RAB23: variants seen among roughly 807,000 people sequenced by gnomAD.
RAB23 encodes the protein ras-related protein Rab-23.
A neutral mutation model predicts 30.0 loss-of-function variants in RAB23; 15 were observed. The ratio of observed to expected loss-of-function variants is 0.50; its 90% CI spans 0.33 to 0.77. The LOEUF is 0.77. RAB23 is among the 30% of genes least tolerant of loss of function. The probability of loss-of-function intolerance (pLI) is 0.02; values close to 1 mark genes in which losing one functional copy is unlikely to be tolerated. For missense variants in RAB23, 243 were observed against 275.4 expected (o/e 0.88, Z 0.83); for synonymous variants, 93 against 94.0 (o/e 0.99, Z 0.06).
In RAB23 at chr6:57,199,854, T is replaced by C. The variant is rs375639295; in HGVS notation, c.242-3248A>G. Among the ~76,000 whole-genome samples the C allele has an allele frequency of 1.4e-4, 21 of 152,336 alleles. 1 individual carries two copies. Among genetic ancestry groups the C allele is most frequent in the Admixed American group, 9.8e-4 (15 of 15,312 alleles). ...TTATGGTTATAATAATTCTGACAAA[T>C]GTTGGACAACCACTTGTTTCCATTT... is the stretch of plus-strand genomic sequence containing the variant. On this transcript the variant is annotated intron_variant, in intron 3 of 6. Coordinates refer to ENST00000468148, the MANE Select transcript of RAB23 (RefSeq NM_016277.5).
In RAB23 at chr6:57,188,954, T is replaced by C. The variant is rs911579920; in HGVS notation, c.*1507A>G. On this transcript the variant is annotated 3_prime_UTR_variant, in exon 7 of 7. Transcript: ENST00000468148. ...AACACAAAAGGAGTACATAAAACAT[T>C]GTTTAGTACAAATAATGAAAAATGA... 1 of 152,048 alleles carries C rather than the reference T, an allele frequency of 6.6e-6. No homozygotes were observed. Among genetic ancestry groups the C allele is most frequent in the Non-Finnish European group, 1.5e-5 (1 of 67,966 alleles). 9.4% of individuals were successfully genotyped at this position (152,048 alleles called of 1,614,324 possible).
At chr6:57,205,257 T>C (rs990700813) in intron 3 of RAB23, among the ~76,000 whole-genome samples, 1 of 151,952 alleles carries the variant, frequency 6.6e-6, no homozygotes, top group Non-Finnish European at 1.5e-5. Context: ...TGTGTGTATA[T>C]ATATATAAAA....
rs1401102172 is a variant in RAB23, at chr6:57,221,815, C to A, written c.-155G>T. On this transcript the variant is annotated 5_prime_UTR_variant, in exon 1 of 7. Transcript: ENST00000468148. ...GATCGGTGCTCAGGGAGGGGAGAGC[C>A]GGCGCTCGGCGGTCCGAACCGGGGG... The A allele has an allele frequency of 6.6e-6, 1 of 152,392 alleles. No individual in the cohort carries two copies. The highest frequency in any genetic ancestry group is 1.5e-5 in the Non-Finnish European group (1 of 68,192). 9.4% of individuals were successfully genotyped at this position (152,392 alleles called of 1,614,324 possible).
intron 2 of RAB23, among the ~76,000 whole-genome samples, chr6:57,207,960 C>T (rs1217298719): frequency 1.3e-5 from 2 of 152,134 alleles, no homozygotes; most frequent in Non-Finnish European, 1.5e-5. Context: ...AACTCATAAG[C>T]TGAACTATTA....
chr6:57,213,161 A>G (rs1231578602), intron 1 of RAB23, among the ~76,000 whole-genome samples: 2 of 152,178 alleles, frequency 1.3e-5, no homozygotes, highest in African/African-American at 2.4e-5. Flanking sequence ...GCAGTTCTCA[A>G]TAGAGTTTGG....
chr6:57,190,761 T>C, intron 6 of RAB23, among the ~76,000 whole-genome samples, 161 bp from the exon 7 acceptor site: 1 of 152,224 alleles, frequency 6.6e-6, no homozygotes, highest in South Asian at 2.1e-4. Flanking sequence ...TTTTTAGGCA[T>C]ACGGTTCAGT....
intron 1 of RAB23, among the ~76,000 whole-genome samples, chr6:57,220,702 G>C (rs748320046): frequency 1.3e-5 from 2 of 152,122 alleles, no homozygotes; most frequent in Non-Finnish European, 2.9e-5. Flanking sequence ...TAATTGCCAG[G>C]GGTAAGGAGT....
chr6:57,190,472 T>C lies in RAB23; in HGVS notation c.703A>G (p.Ser235Gly). ...CCTCCCAAAACATCTTAGGGTATGCTACAGCTGCTAAAAGGATTTCTGTTT... is the reference window on the plus strand; with the variant it reads ...CCTCCCAAAACATCTTAGGGTATGCCACAGCTGCTAAAAGGATTTCTGTTT... ...KKNRNPFSSC[S>G]IP The change falls in exon 7 of 7, where the codon AGC becomes GGC. Residue 235 changes from serine (S) to glycine (G), a missense_variant. Physicochemically the swap from Ser to Gly is moderately conservative, Grantham distance 56 (BLOSUM62 0). Coordinates refer to ENST00000468148, the MANE Select transcript of RAB23 (RefSeq NM_016277.5). 6.2e-7 allele frequency: 1 copy of C among 1,614,134 alleles called. No homozygotes were observed. The highest frequency in any genetic ancestry group is 8.5e-7 in the Non-Finnish European group (1 of 1,179,962).
chr6:57,217,121 CAGAA>C (rs1393514773), intron 1 of RAB23, among the ~76,000 whole-genome samples: 3 of 148,014 alleles, frequency 2.0e-5, no homozygotes, highest in African/African-American at 7.5e-5. Flanking sequence ...AAATCAATAA[CAGAA>C]AGATAAAACA....
chr6:57,207,862 G>T, intron 2 of RAB23, 149 bp from the exon 3 acceptor site: 1 of 611,358 alleles, frequency 1.6e-6, no homozygotes, highest in Non-Finnish European at 2.8e-6. Flanking sequence ...AACCTACTGG[G>T]GGTTACATCC....
intron 3 of RAB23, among the ~76,000 whole-genome samples, chr6:57,197,887 A>C (rs1042017628): frequency 6.6e-6 from 1 of 152,078 alleles, no homozygotes; most frequent in African/African-American, 2.4e-5. Context: ...TTACAGGAGG[A>C]GCCTGCCATC....
rs1765301647 is a variant in RAB23 at position 57,202,379 on chromosome 6, G to A, written c.241+5249C>T. Among the ~76,000 whole-genome samples the A allele has an allele frequency of 3.9e-5, 6 of 152,220 alleles. 1 individual carries two copies. In the South Asian group the frequency reaches 1.2e-3, roughly 32 times the overall value. On this transcript the variant is annotated intron_variant, in intron 3 of 6. Transcript: ENST00000468148. ...TTCTCTGCTGGAGGTGGGAGTTGTG[G>A]TGGTGGCAAGGAGCACAATGTGATC...
intron 3 of RAB23, among the ~76,000 whole-genome samples, chr6:57,205,024 ATATG>A (rs1267483043): frequency 6.6e-6 from 1 of 151,444 alleles, no homozygotes; most frequent in Non-Finnish European, 1.5e-5. Context: ...ATACATACAT[ATATG>A]TATATGTGTA....
chr6:57,203,143 T>C, intron 3 of RAB23, among the ~76,000 whole-genome samples: 1 of 151,584 alleles, frequency 6.6e-6, no homozygotes, highest in East Asian at 1.9e-4. Context: ...AGTACTGAGA[T>C]TACAGGTGTG....
At chr6:57,207,042 T>C (rs1297334998) in intron 3 of RAB23, among the ~76,000 whole-genome samples, 1 of 152,226 alleles carries the variant, frequency 6.6e-6, no homozygotes, top group East Asian at 1.9e-4. Context: ...CTGAAAATGG[T>C]GTTTTAAATT....
chr6:57,212,937 C>CT lies in RAB23; in HGVS notation c.-65-2493dup, dbSNP rs568729198. Among the ~76,000 whole-genome samples, 3 of 152,022 alleles carry CT rather than the reference C, an allele frequency of 2.0e-5. No individual in the cohort carries two copies. In the East Asian group the frequency reaches 5.8e-4, roughly 30 times the overall value. The stretch of plus-strand genomic sequence containing the variant: ...ATGCCTGATGCCTGCATCTTGCCCT[C>CT]TGAGTATACGATCAGATGGTCTAGG... On this transcript the variant is annotated intron_variant, in intron 1 of 6. Transcript: ENST00000468148.
chr6:57,192,690 C>G (rs1469515294), intron 6 of RAB23, among the ~76,000 whole-genome samples: 1 of 152,066 alleles, frequency 6.6e-6, no homozygotes, highest in African/African-American at 2.4e-5. Flanking sequence ...GAGTTCAAGA[C>G]CAGCCTGGAC....
At chr6:57,206,580 T>C (rs1385329930) in intron 3 of RAB23, among the ~76,000 whole-genome samples, 2 of 151,982 alleles carry the variant, frequency 1.3e-5, no homozygotes, top group African/African-American at 2.4e-5. Context: ...TAGTGGTGGG[T>C]AAAAGTCTCA....
At chr6:57,206,089 T>C (rs1765446091) in intron 3 of RAB23, among the ~76,000 whole-genome samples, 1 of 152,216 alleles carries the variant, frequency 6.6e-6, no homozygotes, top group Non-Finnish European at 1.5e-5. Flanking sequence ...ATTCTCTATA[T>C]GGTTCAGGTG....
Sources: allele counts gnomAD v4.1 joint callset (sites outside exome capture counted in the v4.1 genomes callset), GRCh38; gene constraint gnomAD v4.1.1; transcripts MANE v1.5; gene names NCBI Gene and HGNC (gene_info 2026-07-23, HGNC 2026-07-21).